DTNB: variants seen among roughly 807,000 people sequenced by gnomAD.
DTNB encodes dystrobrevin beta.
Under a neutral mutation model 90.7 loss-of-function variants are expected in DTNB, and 63 were observed. The observed-to-expected ratio is 0.69, with a 90% CI of 0.57 to 0.86. The LOEUF (loss-of-function observed/expected upper bound fraction) is 0.86, where lower values mean the gene tolerates loss of function less well. Ranked by LOEUF, DTNB falls within the 40% of genes least tolerant of loss-of-function variation. DTNB has a pLI of 0.00. For missense variants in DTNB, 744 were observed against 807.1 expected, an observed-to-expected ratio of 0.92 and a Z score of 0.95; for synonymous variants, 277 against 286.7, an observed-to-expected ratio of 0.97 and a Z score of 0.34.
intron 7 of DTNB, among the ~76,000 whole-genome samples, chr2:25,580,241 A>G (rs1311168507): frequency 6.6e-6 from 1 of 152,026 alleles, no homozygotes; most frequent in Non-Finnish European, 1.5e-5. Context: ...TCGGCCTCCC[A>G]AAGTGCTGGA....
At chr2:25,427,734 A>G (rs2052324597) in intron 14 of DTNB, 103 bp from the exon 15 acceptor site, 1 of 1,088,098 alleles carries the variant, frequency 9.2e-7, no homozygotes, top group Non-Finnish European at 1.3e-6. Flanking sequence ...ACCAGTTATG[A>G]GACGCTGAGC....
intron 9 of DTNB, among the ~76,000 whole-genome samples, chr2:25,508,537 G>GCT (rs2073084527): frequency 7.8e-6 from 1 of 127,616 alleles, no homozygotes; most frequent in Non-Finnish European, 1.6e-5. Context: ...TTCGCTCTTT[G>GCT]TTTTTTATTT....
chr2:25,628,075 T>A, intron 4 of DTNB, 96 bp downstream of exon 4: 2 of 1,352,678 alleles, frequency 1.5e-6, no homozygotes, highest in Non-Finnish European at 2.1e-6. Flanking sequence ...GTTGCCAGCT[T>A]AGCAAGGCAA....
intron 1 of DTNB, chr2:25,672,756 CCAGTGCTGACTACGGGT>C (rs1174269708): frequency 1.3e-5 from 2 of 152,136 alleles, no homozygotes; most frequent in Admixed American, 6.5e-5. Flanking sequence ...TTTCGTGGCC[CCAGTGCTGACTACGGGT>C]CTCTACCTAC....
At chr2:25,508,944 C>T (rs1204668925) in intron 9 of DTNB, among the ~76,000 whole-genome samples, 5 of 152,136 alleles carry the variant, frequency 3.3e-5, no homozygotes. Flanking sequence ...AATGGTATTG[C>T]TTTTTAAAAT....
intron 12 of DTNB, among the ~76,000 whole-genome samples, chr2:25,439,345 C>A (rs2056807523): frequency 6.6e-6 from 1 of 151,590 alleles, no homozygotes; most frequent in Non-Finnish European, 1.5e-5. Context: ...ACAAAAAATA[C>A]AAAAAAAATT....
At chr2:25,632,621 T>C (rs185807277) in intron 3 of DTNB, among the ~76,000 whole-genome samples, 1 of 152,312 alleles carries the variant, frequency 6.6e-6, no homozygotes, top group Non-Finnish European at 1.5e-5. Context: ...ACTAGCACAC[T>C]CAGCCTCCTC....
At chr2:25,559,610 C>T (rs1159083331) in intron 8 of DTNB, among the ~76,000 whole-genome samples, 2 of 152,176 alleles carry the variant, frequency 1.3e-5, no homozygotes, top group East Asian at 1.9e-4. Context: ...ATGCACTGAT[C>T]GTAGTGGGAT....
intron 3 of DTNB, among the ~76,000 whole-genome samples, chr2:25,632,394 T>C (rs2075970990): frequency 6.6e-6 from 1 of 152,192 alleles, no homozygotes; most frequent in African/African-American, 2.4e-5. Flanking sequence ...ACTTTCTTAA[T>C]CTGATTAAGG....
chr2:25,516,359 A>G (rs2075115013), intron 9 of DTNB, among the ~76,000 whole-genome samples: 1 of 151,558 alleles, frequency 6.6e-6, no homozygotes, highest in Non-Finnish European at 1.5e-5. Context: ...TCATCCTTCT[A>G]CCTCAGCCAC....
At chr2:25,386,393 A>C (rs2039478429) in intron 18 of DTNB, among the ~76,000 whole-genome samples, 1 of 152,196 alleles carries the variant, frequency 6.6e-6, no homozygotes, top group Non-Finnish European at 1.5e-5. Context: ...CTTTTTATTT[A>C]ATAATCCTGT....
chr2:25,584,145 G>A (rs1226888108), intron 6 of DTNB, among the ~76,000 whole-genome samples: 7 of 152,172 alleles, frequency 4.6e-5, no homozygotes, highest in Non-Finnish European at 1.0e-4. Context: ...GTTTCACGGA[G>A]CTTTGGAATA....
intron 20 of DTNB, among the ~76,000 whole-genome samples, chr2:25,378,994 C>T (rs982015375): frequency 6.6e-6 from 1 of 152,118 alleles, no homozygotes; most frequent in African/African-American, 2.4e-5. Context: ...CTCAGCACAC[C>T]CTGTTTCAGC....
At chr2:25,657,311 T>C (rs2082253826) in intron 1 of DTNB, among the ~76,000 whole-genome samples, 1 of 152,162 alleles carries the variant, frequency 6.6e-6, no homozygotes, top group Admixed American at 6.5e-5. Context: ...AGTTAGATTT[T>C]ATCAAAATTA....
chr2:25,472,662 T>C (rs1459998862), intron 10 of DTNB, among the ~76,000 whole-genome samples: 2 of 152,154 alleles, frequency 1.3e-5, no homozygotes, highest in Non-Finnish European at 2.9e-5. Flanking sequence ...GGTAGGTAGA[T>C]CACCTGAGGT....
intron 12 of DTNB, among the ~76,000 whole-genome samples, chr2:25,448,420 A>T (rs921643048): frequency 1.2e-4 from 18 of 152,272 alleles, no homozygotes; most frequent in African/African-American, 4.1e-4. Context: ...GAAGGAAAAG[A>T]GAAAACATTT....
In DTNB at chr2:25,627,983, T is replaced by C. The variant is rs763997877; in HGVS notation, c.362+188A>G. 2.0e-5 allele frequency among the ~76,000 whole-genome samples: 3 copies of C among 152,102 alleles called. No homozygotes were observed. In the South Asian group the frequency reaches 6.2e-4, roughly 32 times the overall value. On this transcript the variant is annotated intron_variant, in intron 4 of 20. Transcript: ENST00000406818. ...CATCTCCTGACCTTGTGATTTGCCC[T>C]CCTTGGCCTCCCAAAGTGCTGGGAC...
Position 25,387,273 on chromosome 2 carries a change from G to C in DTNB, c.1825+16C>G. On this transcript the variant is annotated intron_variant, in intron 18 of 20. Transcript: ENST00000406818. This position sits in a 1 kb window ranked among gnomAD's most constrained non-coding sequence, Gnocchi z 4.5. ...CAGGGGAGGCCAGGAAGCTGGCTGGGAGCTCTGGGTTTCACCTGAATGGAG... is the reference window on the plus strand; with the variant it reads ...CAGGGGAGGCCAGGAAGCTGGCTGGCAGCTCTGGGTTTCACCTGAATGGAG... The C allele has an allele frequency of 6.2e-7, 1 of 1,603,746 alleles. No homozygotes were observed. Among genetic ancestry groups the C allele is most frequent in the African/African-American group, 1.3e-5 (1 of 74,888 alleles).
chr2:25,383,958 A>G, intron 18 of DTNB, 69 bp from the exon 19 acceptor site: 1 of 1,611,750 alleles, frequency 6.2e-7, no homozygotes, highest in Non-Finnish European at 8.5e-7. Context: ...AGGGTGAACA[A>G]AGCAACTGCT....
Sources: gnomAD v4.1 joint callset for allele counts (sites outside exome capture counted in the v4.1 genomes callset) on GRCh38, gnomAD v4.1.1 for gene constraint, Gnocchi (gnomAD v3.1) non-coding constraint, MANE v1.5 for transcripts, NCBI Gene and HGNC (gene_info 2026-07-23, HGNC 2026-07-21) for gene names.